The following CPED1 variants were observed in gnomAD, a reference collection of about 807,000 sequenced individuals.
CPED1 encodes the protein cadherin like and PC-esterase domain containing 1.
Under a neutral mutation model 128.2 loss-of-function variants are expected in CPED1, and 114 were observed. The ratio of observed to expected loss-of-function variants is 0.89; its 90% confidence interval spans 0.76 to 1.04. The LOEUF (loss-of-function observed/expected upper bound fraction) is 1.04. Among genes scored for constraint, CPED1 ranks in the 50% least tolerant of loss-of-function variants. The pLI, the probability that CPED1 is intolerant of heterozygous loss-of-function variation, is 0.00. For synonymous variants in CPED1, 462 were observed against 426.7 expected (o/e 1.08, Z -1.02); for missense variants, 1,211 against 1,207.1 (o/e 1.00, Z -0.05).
At chr7:121,114,621 G>C (rs112643064) in intron 7 of CPED1, among the ~76,000 whole-genome samples, 2 of 152,198 alleles carry the variant, frequency 1.3e-5, no homozygotes, top group African/African-American at 4.8e-5. Context: ...TTCTTTGCAA[G>C]TGTCTTTGTG....
intron 12 of CPED1, among the ~76,000 whole-genome samples, chr7:121,130,819 A>G (rs1329421017): frequency 6.6e-6 from 1 of 152,050 alleles, no homozygotes; most frequent in Non-Finnish European, 1.5e-5. Flanking sequence ...TTTAGAAGGT[A>G]GAATCTCAGA....
At chr7:121,215,126 C>T (rs1001872746) in intron 16 of CPED1, among the ~76,000 whole-genome samples, 7 of 151,964 alleles carry the variant, frequency 4.6e-5, no homozygotes, top group Non-Finnish European at 7.4e-5. Context: ...AACCATGTTC[C>T]GATGCCATAC....
chr7:121,200,591 A>T (rs1797374231), intron 16 of CPED1, among the ~76,000 whole-genome samples: 1 of 152,126 alleles, frequency 6.6e-6, no homozygotes. Flanking sequence ...TGTACAGCAG[A>T]ACTTATTACA....
chr7:121,045,446 T>C (rs1430246498), intron 3 of CPED1, among the ~76,000 whole-genome samples: 1 of 152,252 alleles, frequency 6.6e-6, no homozygotes, highest in Admixed American at 6.5e-5. Context: ...TTTGTGAAAC[T>C]GAAAATGACT....
In CPED1 at chr7:121,271,397, T is replaced by C. The variant is rs969444437; in HGVS notation, c.2835T>C (p.Phe945=). 3 of 1,612,844 alleles carry C rather than the reference T, an allele frequency of 1.9e-6. No homozygotes were observed. In the African/African-American group the frequency reaches 4.0e-5, roughly 22 times the overall value. The change falls in exon 22 of 23, where the codon TTT becomes TTC. Residue 945 remains phenylalanine, a synonymous_variant. Transcript: ENST00000310396. ...FTITMGRYKE[F]LQGKCGCHFH... is the part of the protein sequence containing the mutation. ...TAACAATGGGGCGTTACAAAGAGTT[T>C]CTACAGGGGAAGTGTGGATGTCATT...
At position 121,256,467 on chromosome 7, in the gene CPED1, G is replaced by A. The variant is rs189063928; in HGVS notation, c.2311-9760G>A. On this transcript the variant is annotated intron_variant, in intron 18 of 22. Transcript: ENST00000310396. ...TAAAGATTTAAATGTAAGACCTCAA[G>A]CTATAAAAATCCTAAAAGAAAACAG... Among the ~76,000 whole-genome samples the A allele has an allele frequency of 4.1e-4, 62 of 151,908 alleles. 1 individual carries two copies. The East Asian group carries it at 8.7e-3, about 21-fold the overall frequency.
At chr7:121,277,483 A>T (rs1483213526) in intron 22 of CPED1, among the ~76,000 whole-genome samples, 1 of 152,130 alleles carries the variant, frequency 6.6e-6, no homozygotes, top group Non-Finnish European at 1.5e-5. Flanking sequence ...CGTGAACTGC[A>T]GAGTTTTGGT....
At chr7:121,265,179 T>C (rs757584559) in intron 18 of CPED1, among the ~76,000 whole-genome samples, 1 of 151,996 alleles carries the variant, frequency 6.6e-6, no homozygotes, top group African/African-American at 2.4e-5. Context: ...GCAAATCATG[T>C]TTAGCAGAAA....
At chr7:121,096,299 TAAGA>T in intron 5 of CPED1, among the ~76,000 whole-genome samples, 2 of 152,288 alleles carry the variant, frequency 1.3e-5, no homozygotes, top group South Asian at 4.1e-4. Context: ...GACTTTTACT[TAAGA>T]GTGTGAAGTG....
At chr7:121,067,683 C>T (rs574630304) in intron 5 of CPED1, among the ~76,000 whole-genome samples, 3 of 152,130 alleles carry the variant, frequency 2.0e-5, no homozygotes, top group African/African-American at 4.8e-5. Flanking sequence ...CCTGAGGAAT[C>T]GCCACGCTGA....
chr7:121,016,235 A>G (rs1208554622), intron 3 of CPED1, among the ~76,000 whole-genome samples: 1 of 152,244 alleles, frequency 6.6e-6, no homozygotes, highest in Admixed American at 6.5e-5. Flanking sequence ...TGTTTCCAGA[A>G]GCCAGCTTAA....
At chr7:121,224,284 A>G (rs1490120288) in intron 16 of CPED1, among the ~76,000 whole-genome samples, 2 of 152,156 alleles carry the variant, frequency 1.3e-5, no homozygotes, top group Non-Finnish European at 2.9e-5. Context: ...TGAGTTTCTT[A>G]ATCCTGAGTT....
chr7:121,021,203 T>C lies in CPED1; in HGVS notation c.433+5355T>C, dbSNP rs555957194. On this transcript the variant is annotated intron_variant, in intron 3 of 22. Coordinates refer to ENST00000310396, the MANE Select transcript of CPED1 (RefSeq NM_024913.5). ...TCTTGGGAAATACTATTAAAAGATA[T>C]AGTTAATAGAGCAAGAGATACAGAT... 1.2e-3 allele frequency among the ~76,000 whole-genome samples: 187 copies of C among 152,064 alleles called. 1 individual carries two copies. The highest frequency in any genetic ancestry group is 2.1e-3 in the Non-Finnish European group (142 of 67,862).
chr7:121,277,474 G>A (rs1254492074), intron 22 of CPED1, among the ~76,000 whole-genome samples: 1 of 152,122 alleles, frequency 6.6e-6, no homozygotes, highest in Non-Finnish European at 1.5e-5. Flanking sequence ...GACATCCTGC[G>A]TGAACTGCAG....
At chr7:121,169,450 T>C (rs1796603754) in intron 16 of CPED1, among the ~76,000 whole-genome samples, 1 of 152,226 alleles carries the variant, frequency 6.6e-6, no homozygotes, top group Non-Finnish European at 1.5e-5. Context: ...TTTAGTTTTA[T>C]TGGGAAGCAA....
At chr7:121,156,560 T>C (rs952907221) in intron 16 of CPED1, among the ~76,000 whole-genome samples, 7 of 152,192 alleles carry the variant, frequency 4.6e-5, no homozygotes, top group African/African-American at 1.7e-4. Context: ...TGGAGGCCAT[T>C]ATATTAAGTG....
chr7:121,218,653 C>T (rs2116615155), intron 16 of CPED1, among the ~76,000 whole-genome samples: 1 of 151,854 alleles, frequency 6.6e-6, no homozygotes. Context: ...GGGAGTTGAA[C>T]AATGAGAACA....
At chr7:121,162,274 G>A (rs561870117) in intron 16 of CPED1, among the ~76,000 whole-genome samples, 1 of 152,346 alleles carries the variant, frequency 6.6e-6, no homozygotes, top group African/African-American at 2.4e-5. Flanking sequence ...TTGGAAGGAT[G>A]ATTCAGTATT....
At position 121,031,178 on chromosome 7, in the gene CPED1, C is replaced by A. The variant is rs541087497; in HGVS notation, c.433+15330C>A. Among the ~76,000 whole-genome samples, 4 of 152,266 alleles carry A rather than the reference C, an allele frequency of 2.6e-5. No individual in the cohort carries two copies. In the East Asian group the frequency reaches 7.7e-4, roughly 29 times the overall value. On this transcript the variant is annotated intron_variant, in intron 3 of 22. Transcript: ENST00000310396. Reference sequence around the variant, plus strand: ...TTCCTTCTTAATAATTAGGTTTTTTCAACTTGTTGCTATAAAATACAACTT... The same window carrying A: ...TTCCTTCTTAATAATTAGGTTTTTTAAACTTGTTGCTATAAAATACAACTT...
Sources: allele counts gnomAD v4.1 joint callset (sites outside exome capture counted in the v4.1 genomes callset), GRCh38; gene constraint gnomAD v4.1.1; transcripts MANE v1.5; gene names NCBI Gene and HGNC (gene_info 2026-07-23, HGNC 2026-07-21).